The following SYNE1 variants were observed in gnomAD, a reference collection of about 807,000 sequenced individuals.
SYNE1 encodes nesprin-1.
Under a neutral mutation model 1,111.0 loss-of-function variants are expected in SYNE1, and 616 were observed. That is an observed-to-expected ratio of 0.55 (90% CI 0.52 to 0.59). The LOEUF is 0.59. SYNE1 is among the 20% of genes least tolerant of loss of function. The probability of loss-of-function intolerance (pLI) is 0.00; values close to 1 mark genes in which losing one functional copy is unlikely to be tolerated. For synonymous variants in SYNE1, 3,855 were observed against 3,825.8 expected, an observed-to-expected ratio of 1.01 and a Z score of -0.28; for missense variants, 10,006 against 10,417.0, an observed-to-expected ratio of 0.96 and a Z score of 1.72.
At chr6:152,536,563 A>C (rs1431860799) in intron 4 of SYNE1, among the ~76,000 whole-genome samples, 2 of 149,154 alleles carry the variant, frequency 1.3e-5, no homozygotes, top group African/African-American at 2.5e-5. Flanking sequence ...TAACATGGCC[A>C]CTCCCAATGG....
At position 152,390,401 on chromosome 6, in the gene SYNE1, C is replaced by T. The variant is rs146916975; in HGVS notation, c.8056G>A (p.Gly2686Ser). The change falls in exon 53 of 146, where the codon GGC (glycine) becomes AGC (serine). Residue 2686 changes from glycine (G) to serine (S), a missense_variant. Physicochemically the swap from Gly to Ser is moderately conservative, Grantham distance 56. Coordinates refer to ENST00000367255, the MANE Select transcript of SYNE1 (RefSeq NM_182961.4). ...EGEVKLNMAI[G>S]KGEQALRSSN... ...CTTCTCAAGGCCTGTTCCCCCTTGC[C>T]AATGGCCATATTCAACTTAACTTCC... 5.0e-6 allele frequency: 8 copies of T among 1,614,012 alleles called. No individual in the cohort carries two copies. The African/African-American group carries it at 1.1e-4, about 22-fold the overall frequency.
intron 20 of SYNE1, 164 bp downstream of exon 20, chr6:152,462,574 T>C: frequency 1.4e-6 from 1 of 714,070 alleles, no homozygotes; most frequent in Non-Finnish European, 2.4e-6. Flanking sequence ...GTCTTTTTTA[T>C]GTTCAATACA....
At chr6:152,498,839 G>A (rs368783474) in intron 10 of SYNE1, 47 bp from the exon 11 acceptor site, 18 of 1,117,038 alleles carry the variant, frequency 1.6e-5, no homozygotes, top group Non-Finnish European at 2.1e-5. Context: ...ATAAATCAGG[G>A]TCAAAAATTA....
At chr6:152,190,152 C>T (rs1284537873) in intron 127 of SYNE1, among the ~76,000 whole-genome samples, 1 of 152,140 alleles carries the variant, frequency 6.6e-6, no homozygotes, top group East Asian at 1.9e-4. Flanking sequence ...CCTAAACATG[C>T]CCAATCTTGT....
chr6:152,389,699 C>T (rs1012215697), intron 53 of SYNE1, among the ~76,000 whole-genome samples: 3 of 152,208 alleles, frequency 2.0e-5, no homozygotes, highest in Admixed American at 6.5e-5. Context: ...AGAGGCTCTA[C>T]GGCTGGGCTC....
At chr6:152,439,709 C>A (rs2098510552) in intron 32 of SYNE1, among the ~76,000 whole-genome samples, 2 of 152,018 alleles carry the variant, frequency 1.3e-5, no homozygotes, top group South Asian at 4.2e-4. Flanking sequence ...AACAGAAACA[C>A]AAAGGTTTTC....
intron 42 of SYNE1, among the ~76,000 whole-genome samples, chr6:152,410,086 T>C (rs889949581): frequency 6.6e-6 from 1 of 152,192 alleles, no homozygotes; most frequent in Non-Finnish European, 1.5e-5. Context: ...CATAATGGCA[T>C]ATGTTGTGTG....
chr6:152,602,876 G>T (rs139763877), intron 3 of SYNE1, among the ~76,000 whole-genome samples: 2 of 152,202 alleles, frequency 1.3e-5, no homozygotes, highest in Admixed American at 1.3e-4. Context: ...CCTTTCTGAG[G>T]CAGCAGGAAA....
At chr6:152,578,575 C>T (rs987670763) in intron 3 of SYNE1, among the ~76,000 whole-genome samples, 15 of 152,158 alleles carry the variant, frequency 9.9e-5, no homozygotes, top group Admixed American at 7.9e-4. Flanking sequence ...GCCTGGGCAG[C>T]AGAGTGAGAC....
rs574928562 is a variant in SYNE1 at position 152,176,361 on chromosome 6, C to T, written c.23627+33G>A. On this transcript the variant is annotated intron_variant, in intron 130 of 145. Coordinates refer to ENST00000367255, the MANE Select transcript of SYNE1 (RefSeq NM_182961.4). Reference sequence around the variant, plus strand: ...GACTGAAAGGCTTTAAAATACTGCCCACACGTGCCCTATTGACTCAGGTCC... The same window carrying T: ...GACTGAAAGGCTTTAAAATACTGCCTACACGTGCCCTATTGACTCAGGTCC... 1.7e-5 allele frequency: 28 copies of T among 1,613,388 alleles called. No homozygotes were observed. In the African/African-American group the frequency reaches 2.1e-4, roughly 12 times the overall value.
At chr6:152,337,370 A>G (rs1007689575) in intron 75 of SYNE1, among the ~76,000 whole-genome samples, 1 of 151,912 alleles carries the variant, frequency 6.6e-6, no homozygotes, top group African/African-American at 2.4e-5. Context: ...GCTCACAGCA[A>G]TCTCTGCCTC....
intron 10 of SYNE1, 26 bp downstream of exon 10, chr6:152,502,607 G>T: frequency 6.5e-7 from 1 of 1,535,192 alleles, no homozygotes; most frequent in Non-Finnish European, 9.0e-7. Flanking sequence ...ATATACCAGT[G>T]ATACTTGAAG....
At chr6:152,167,965 T>C (rs1451757025) in intron 130 of SYNE1, 1 of 776,946 alleles carries the variant, frequency 1.3e-6, no homozygotes, top group Admixed American at 1.7e-5. Flanking sequence ...CTCTTGGGAG[T>C]CCACATGGCC....
chr6:152,557,450 T>C (rs1443161719), intron 3 of SYNE1, among the ~76,000 whole-genome samples: 1 of 152,020 alleles, frequency 6.6e-6, no homozygotes, highest in Non-Finnish European at 1.5e-5. Context: ...GAAATAAACA[T>C]TAATATCCAT....
chr6:152,331,505 G>C lies in SYNE1; in HGVS notation c.13180C>G (p.Leu4394Val). 1 of 1,614,126 alleles carries C rather than the reference G, an allele frequency of 6.2e-7. No homozygotes were observed. Residue 4394 changes from leucine to valine, a missense_variant, in exon 78 of 146, where the codon CTG becomes GTG. By Grantham distance (32) the Leu-to-Val change is conservative (BLOSUM62 1). This residue lies in a region of SYNE1 where 4,955 missense variants were observed against 5,017.2 expected (regional missense o/e 0.99). Transcript: ENST00000367255. ...LMDHLAICSELEAKQMLLKSL... is the reference protein window; with the variant it reads ...LMDHLAICSEVEAKQMLLKSL... ...TTCAGGAGCATCTGCTTGGCCTCCA[G>C]TTCACTGCAGATGGCCAGGTGATCC... is the stretch of plus-strand genomic sequence containing the variant.
chr6:152,529,269 A>C (rs2099183372), intron 4 of SYNE1, among the ~76,000 whole-genome samples: 1 of 152,236 alleles, frequency 6.6e-6, no homozygotes, highest in Non-Finnish European at 1.5e-5. Flanking sequence ...TAGAAGGACT[A>C]TTTTGTCATA....
chr6:152,235,100 C>A (rs763390720), intron 110 of SYNE1, among the ~76,000 whole-genome samples: 1 of 152,118 alleles, frequency 6.6e-6, no homozygotes, highest in Non-Finnish European at 1.5e-5. Context: ...GAAATAAAGG[C>A]GGCTTAGACA....
chr6:152,394,733 G>A (rs1392321120), intron 51 of SYNE1, among the ~76,000 whole-genome samples: 1 of 151,506 alleles, frequency 6.6e-6, no homozygotes, highest in Non-Finnish European at 1.5e-5. Flanking sequence ...AAGCTGAAAT[G>A]TGTGAATAAC....
intron 65 of SYNE1, among the ~76,000 whole-genome samples, chr6:152,358,950 GT>G (rs1211398339): frequency 1.3e-5 from 2 of 152,132 alleles, no homozygotes; most frequent in African/African-American, 4.8e-5. Flanking sequence ...TATTTTCTTT[GT>G]GAGGACTAAA....
Sources: gnomAD v4.1 joint callset for allele counts (sites outside exome capture counted in the v4.1 genomes callset) on GRCh38, gnomAD v4.1.1 for gene constraint, gnomAD v4.1.1 regional missense constraint, MANE v1.5 for transcripts, NCBI Gene and HGNC (gene_info 2026-07-23, HGNC 2026-07-21) for gene names.